The following SORCS1 variants were observed in gnomAD, a reference collection of about 807,000 sequenced individuals.
The protein encoded by SORCS1 is VPS10 domain-containing receptor SorCS1.
A neutral mutation model predicts 146.1 loss-of-function variants in SORCS1; 60 were observed. That is an observed-to-expected ratio of 0.41 (90% CI 0.33 to 0.51). SORCS1 has a LOEUF of 0.51. Ranked by LOEUF, SORCS1 falls within the 20% of genes least tolerant of loss-of-function variation. The probability of loss-of-function intolerance (pLI) is 0.21; values close to 1 mark genes in which losing one functional copy is unlikely to be tolerated. For synonymous variants in SORCS1, 637 were observed against 584.0 expected (o/e 1.09, Z -1.31); for missense variants, 1,352 against 1,487.6 (o/e 0.91, Z 1.50).
intron 2 of SORCS1, among the ~76,000 whole-genome samples, chr10:106,942,136 C>A (rs1308522811): frequency 2.6e-5 from 4 of 152,188 alleles, no homozygotes; most frequent in Non-Finnish European, 5.9e-5. Context: ...CCTGCTCTGA[C>A]CAGTTCCCAT....
chr10:107,066,431 G>A (rs1313776303), intron 1 of SORCS1, among the ~76,000 whole-genome samples: 1 of 152,114 alleles, frequency 6.6e-6, no homozygotes, highest in Non-Finnish European at 1.5e-5. Context: ...CAAGCCGAAA[G>A]GAAATCTAGA....
intron 3 of SORCS1, among the ~76,000 whole-genome samples, chr10:106,786,692 A>G (rs1482121342): frequency 6.6e-6 from 1 of 152,152 alleles, no homozygotes; most frequent in Non-Finnish European, 1.5e-5. Flanking sequence ...AAACACACAC[A>G]CACAGAAGCA....
chr10:106,627,758 A>G (rs1202502094), intron 19 of SORCS1, among the ~76,000 whole-genome samples: 1 of 152,188 alleles, frequency 6.6e-6, no homozygotes, highest in Non-Finnish European at 1.5e-5. Context: ...TGATCTGTAA[A>G]GAGTAGGGAG....
rs112254770 is a variant in SORCS1, at chr10:106,895,949, G to GTATATATATATA, written c.626+60563_626+60564insTATATATATATA. Among the ~76,000 whole-genome samples the GTATATATATATA allele has an allele frequency of 1.0e-3, 151 of 150,882 alleles. No homozygotes were observed. In the South Asian group the frequency reaches 0.012, roughly 12 times the overall value. ...CACAAACATATATATATGTGTGTGTGTGTATATATATATATGCCTACATAC... is the reference window on the plus strand; with the variant it reads ...CACAAACATATATATATGTGTGTGTGTATATATATATATGTATATATATATATGCCTACATAC... On this transcript the variant is annotated intron_variant, in intron 2 of 25. Transcript: ENST00000263054.
At chr10:106,729,248 T>C (rs939227757) in intron 6 of SORCS1, among the ~76,000 whole-genome samples, 1 of 152,222 alleles carries the variant, frequency 6.6e-6, no homozygotes, top group Non-Finnish European at 1.5e-5. Flanking sequence ...AAGCTTTCTA[T>C]GCCTTTGCTT....
chr10:107,009,877 T>A (rs1295905554), intron 1 of SORCS1, among the ~76,000 whole-genome samples: 1 of 152,074 alleles, frequency 6.6e-6, no homozygotes, highest in Non-Finnish European at 1.5e-5. Context: ...GTAATATAAG[T>A]AATGAAGTAA....
intron 1 of SORCS1, among the ~76,000 whole-genome samples, chr10:107,125,101 C>A (rs1286265370): frequency 2.0e-5 from 3 of 151,786 alleles, no homozygotes; most frequent in African/African-American, 7.3e-5. Flanking sequence ...TACAGGCATG[C>A]ACCAACACGC....
chr10:106,804,953 C>T (rs1166232181), intron 3 of SORCS1, among the ~76,000 whole-genome samples: 3 of 152,116 alleles, frequency 2.0e-5, no homozygotes, highest in Non-Finnish European at 4.4e-5. Flanking sequence ...TCAGAATGAC[C>T]ATTCACTGAT....
At chr10:106,937,442 T>TGC (rs1337994075) in intron 2 of SORCS1, among the ~76,000 whole-genome samples, 1 of 151,754 alleles carries the variant, frequency 6.6e-6, no homozygotes, top group African/African-American at 2.4e-5. Flanking sequence ...CCTCCCAAAG[T>TGC]GCTAGAATTG....
At chr10:106,657,747 T>C (rs183230458) in intron 17 of SORCS1, among the ~76,000 whole-genome samples, 1,544 of 151,818 alleles carry the variant, frequency 0.01, 19 homozygotes, top group Admixed American at 0.014. Context: ...ACTAGTGTTG[T>C]AGAACCAAAT....
chr10:106,904,063 C>T (rs1035959882), intron 2 of SORCS1, among the ~76,000 whole-genome samples: 3 of 152,182 alleles, frequency 2.0e-5, no homozygotes, highest in African/African-American at 7.2e-5. Flanking sequence ...AATTAATTGG[C>T]AACGCCTAAG....
At chr10:106,743,706 T>C (rs1857515627) in intron 5 of SORCS1, among the ~76,000 whole-genome samples, 1 of 152,148 alleles carries the variant, frequency 6.6e-6, no homozygotes, top group African/African-American at 2.4e-5. Context: ...ATTATAGGTG[T>C]GAGCCACCGC....
chr10:107,049,282 G>T (rs1300004881), intron 1 of SORCS1, among the ~76,000 whole-genome samples: 3 of 104,082 alleles, frequency 2.9e-5, no homozygotes, highest in African/African-American at 3.7e-5. Context: ...GGTGGGGGGA[G>T]GGGGGAGGGA....
chr10:107,005,854 A>C (rs1417597089), intron 1 of SORCS1, among the ~76,000 whole-genome samples: 2 of 152,198 alleles, frequency 1.3e-5, no homozygotes, highest in South Asian at 2.1e-4. Flanking sequence ...TTGACACCTA[A>C]CTATAACTAT....
At chr10:106,988,787 AT>A (rs1164418019) in intron 1 of SORCS1, among the ~76,000 whole-genome samples, 1 of 152,168 alleles carries the variant, frequency 6.6e-6, no homozygotes, top group African/African-American at 2.4e-5. Context: ...ACACTGAAAT[AT>A]TTTCAGAATT....
intron 5 of SORCS1, among the ~76,000 whole-genome samples, chr10:106,746,081 A>C (rs1857720508): frequency 6.6e-6 from 1 of 152,194 alleles, no homozygotes. Flanking sequence ...ACTCCTATGG[A>C]TTTGAAGAGA....
chr10:106,709,072 A>G, intron 7 of SORCS1, 151 bp downstream of exon 7: 1 of 584,576 alleles, frequency 1.7e-6, no homozygotes. Context: ...CTTTTATTGA[A>G]AAGATAGTGA....
chr10:106,808,541 C>T (rs1038612860), intron 3 of SORCS1, among the ~76,000 whole-genome samples: 1 of 151,888 alleles, frequency 6.6e-6, no homozygotes, highest in South Asian at 2.1e-4. Context: ...GTCGCTCTGT[C>T]GCCCAGTCTG....
In SORCS1 at chr10:106,862,493, G is replaced by GT. The variant is rs200250790; in HGVS notation, c.627-32821dup. Among the ~76,000 whole-genome samples, 59 of 151,836 alleles carry GT rather than the reference G, an allele frequency of 3.9e-4. No individual in the cohort carries two copies. In the East Asian group the frequency reaches 0.01, roughly 27 times the overall value. On this transcript the variant is annotated intron_variant, in intron 2 of 25. Coordinates refer to ENST00000263054, the MANE Select transcript of SORCS1 (RefSeq NM_052918.5). ...AGAAATAATCTCATCTCTCTTCAATGTTTTTTTTAAGTGGCAGAAGAGTTT... is the reference window on the plus strand; with the variant it reads ...AGAAATAATCTCATCTCTCTTCAATGTTTTTTTTTAAGTGGCAGAAGAGTTT...
Sources: gnomAD v4.1 joint callset for allele counts (sites outside exome capture counted in the v4.1 genomes callset) on GRCh38, gnomAD v4.1.1 for gene constraint, MANE v1.5 for transcripts, NCBI Gene and HGNC (gene_info 2026-07-23, HGNC 2026-07-21) for gene names.